LRP11: variants seen among roughly 807,000 people sequenced by gnomAD.
LRP11 encodes low-density lipoprotein receptor-related protein 11.
Under a neutral mutation model 43.1 loss-of-function variants are expected in LRP11, and 25 were observed. The ratio of observed to expected loss-of-function variants is 0.58; its 90% CI spans 0.42 to 0.81. The LOEUF is 0.81. Among genes scored for constraint, LRP11 ranks in the 30% least tolerant of loss-of-function variants. LRP11 has a pLI of 0.00. For synonymous variants in LRP11, 316 were observed against 299.4 expected (o/e 1.06, Z -0.57); for missense variants, 623 against 665.1 (o/e 0.94, Z 0.70).
rs572882708 is a variant in LRP11, at chr6:149,836,245, T to G, written c.1092A>C (p.Pro364=). 52 of 1,614,210 alleles carry G rather than the reference T, an allele frequency of 3.2e-5. No homozygotes were observed. The highest frequency in any genetic ancestry group is 4.2e-5 in the Non-Finnish European group (49 of 1,180,028). ...CATCTTCACTCGGCCCTGTGGTTCT[T>G]GGCAGGGCAGGACTAGCTGCCGTGT... ...VTHTAASPAL[P]RTTGPSEDAG... The change falls in exon 5 of 7, where the codon CCA becomes CCC. Residue 364 remains proline, a synonymous_variant. Coordinates refer to ENST00000239367, the MANE Select transcript of LRP11 (RefSeq NM_032832.6).
chr6:149,857,486 C>G (rs1776817123), intron 1 of LRP11, among the ~76,000 whole-genome samples: 2 of 145,506 alleles, frequency 1.4e-5, no homozygotes, highest in Non-Finnish European at 3.0e-5. Flanking sequence ...GCCTGCATAA[C>G]AAAGTGAGTC....
chr6:149,826,955 A>C (rs770363851), intron 5 of LRP11, among the ~76,000 whole-genome samples: 2 of 146,806 alleles, frequency 1.4e-5, no homozygotes, highest in Non-Finnish European at 3.0e-5. Context: ...CTGAGGGGGA[A>C]ATTATTATTA....
At position 149,863,680 on chromosome 6, in the gene LRP11, C is replaced by A; in HGVS notation, c.341G>T (p.Gly114Val). The A allele has an allele frequency of 6.8e-7, 1 of 1,476,802 alleles. No individual in the cohort carries two copies. Among genetic ancestry groups the A allele is most frequent in the South Asian group, 1.3e-5 (1 of 78,490 alleles). 91.5% of individuals were successfully genotyped at this position (1,476,802 alleles called of 1,614,324 possible). A position where few individuals can be genotyped will look rare whatever the true frequency, so the allele number is the denominator to read the frequency against. The stretch of plus-strand genomic sequence containing the variant: ...CGCCGGCGCCCGCAGGAAGCTGGCA[C>A]CCGCCGCCAGGGAGTCCTTGGTGCG... ...IIRTKDSLAAGASFLRAPAAV... is the reference protein window; with the variant it reads ...IIRTKDSLAAVASFLRAPAAV... Residue 114 changes from glycine to valine, a missense_variant, in exon 1 of 7, where the codon GGT (glycine) becomes GTT (valine). Physicochemically the swap from Gly to Val is moderately radical, Grantham distance 109. Transcript: ENST00000239367.
chr6:149,849,863 T>C (rs765366842), intron 2 of LRP11, among the ~76,000 whole-genome samples: 9 of 152,226 alleles, frequency 5.9e-5, no homozygotes, highest in Non-Finnish European at 1.2e-4. Context: ...GTTTCATAAC[T>C]AATCTGACAG....
At chr6:149,851,541 T>C (rs1776719391) in intron 2 of LRP11, among the ~76,000 whole-genome samples, 1 of 152,208 alleles carries the variant, frequency 6.6e-6, no homozygotes, top group African/African-American at 2.4e-5. Context: ...CCAAAGCTTT[T>C]ACACAGGATA....
At chr6:149,832,847 C>T (rs187152368) in intron 5 of LRP11, among the ~76,000 whole-genome samples, 2,376 of 148,838 alleles carry the variant, frequency 0.016, 64 homozygotes, top group African/African-American at 0.056. Flanking sequence ...CTTGCTCTGT[C>T]GCCCAGGCTG....
chr6:149,834,887 AAGC>A (rs1370860304), intron 5 of LRP11, among the ~76,000 whole-genome samples: 1 of 152,258 alleles, frequency 6.6e-6, no homozygotes, highest in African/African-American at 2.4e-5. Context: ...CAAATATTAA[AAGC>A]AGTTTTCAAA....
In LRP11 at chr6:149,841,683, C is replaced by T. The variant is rs565578575; in HGVS notation, c.913+1300G>A. On this transcript the variant is annotated intron_variant, in intron 3 of 6. Coordinates refer to ENST00000239367, the MANE Select transcript of LRP11 (RefSeq NM_032832.6). ...GTCTAAGTGCTTCGGGAGGCTGAGG[C>T]GGGTGGATCACCTGAGGTCAGGAAT... Among the ~76,000 whole-genome samples the T allele has an allele frequency of 2.4e-4, 37 of 152,238 alleles. 2 individuals carry two copies. In the South Asian group the frequency reaches 7.7e-3, roughly 32 times the overall value.
rs191501160 is a variant in LRP11, at chr6:149,824,817, G to A, written c.1348+1447C>T. 8.0e-4 allele frequency among the ~76,000 whole-genome samples: 122 copies of A among 152,284 alleles called. 1 individual carries two copies. Among genetic ancestry groups the A allele is most frequent in the Non-Finnish European group, 1.5e-3 (101 of 68,020 alleles). On this transcript the variant is annotated intron_variant, in intron 6 of 6. Coordinates refer to ENST00000239367, the MANE Select transcript of LRP11 (RefSeq NM_032832.6). ...AGAGGCTGCAGTGAGCTGAGATCGC[G>A]CCGCTGTACTCCAACCTGGACAACA...
intron 2 of LRP11, among the ~76,000 whole-genome samples, chr6:149,850,065 G>T (rs1776696444): frequency 6.6e-6 from 1 of 152,152 alleles, no homozygotes; most frequent in African/African-American, 2.4e-5. Flanking sequence ...AATGGCTCAA[G>T]AAGAGGAGGA....
chr6:149,843,827 C>T (rs544819383), intron 2 of LRP11, among the ~76,000 whole-genome samples: 2 of 152,342 alleles, frequency 1.3e-5, no homozygotes, highest in Admixed American at 1.3e-4. Flanking sequence ...TCTGTTTGCT[C>T]ACTTCCCATT....
chr6:149,836,391 A>G, intron 4 of LRP11, 94 bp from the exon 5 acceptor site: 1 of 1,108,680 alleles, frequency 9.0e-7, no homozygotes, highest in South Asian at 1.4e-5. Flanking sequence ...AAAATCACGG[A>G]TATTTGGATG....
chr6:149,819,998 AC>A lies in LRP11; in HGVS notation c.*550del, dbSNP rs1221768792. ...CCCACACTCACCTTCCCTAAGGCTT[AC>A]TGACTTGTACATAAGGTTTATAATT... On this transcript the variant is annotated 3_prime_UTR_variant, in exon 7 of 7. Coordinates refer to ENST00000239367, the MANE Select transcript of LRP11 (RefSeq NM_032832.6). 6.5e-6 allele frequency: 1 copy of A among 152,738 alleles called. No individual in the cohort carries two copies. Among genetic ancestry groups the A allele is most frequent in the Admixed American group, 6.5e-5 (1 of 15,322 alleles). 9.5% of individuals were successfully genotyped at this position (152,738 alleles called of 1,614,324 possible).
chr6:149,861,212 T>C (rs1178529118), intron 1 of LRP11, among the ~76,000 whole-genome samples: 2 of 152,144 alleles, frequency 1.3e-5, no homozygotes, highest in Non-Finnish European at 2.9e-5. Flanking sequence ...AACTTCAACC[T>C]GTCAAGCATC....
At chr6:149,857,648 A>G (rs918520901) in intron 1 of LRP11, among the ~76,000 whole-genome samples, 15 of 152,204 alleles carry the variant, frequency 9.9e-5, no homozygotes, top group African/African-American at 3.6e-4. Context: ...AGGCATCACT[A>G]TTATAAAACC....
At chr6:149,849,702 A>T (rs1302133415) in intron 2 of LRP11, among the ~76,000 whole-genome samples, 20 of 152,170 alleles carry the variant, frequency 1.3e-4, no homozygotes. Context: ...CACTCACTGC[A>T]CTCCAGCCTG....
rs1258258678 is a variant in LRP11, at chr6:149,864,038, G to A, written c.-18C>T. On this transcript the variant is annotated 5_prime_UTR_variant, in exon 1 of 7. Transcript: ENST00000239367. ...GAGGCCATGGCGACGAGAGCCAAGG[G>A]CAGCGAGCCGAGGCGGGGCTGAGCG... 16 of 1,312,366 alleles carry A rather than the reference G, an allele frequency of 1.2e-5. No homozygotes were observed. The highest frequency in any genetic ancestry group is 6.2e-5 in the African/African-American group (4 of 64,336). The allele number at this position is 1,312,366 out of a possible 1,614,324, so 81.3% of individuals were successfully genotyped here.
intron 5 of LRP11, among the ~76,000 whole-genome samples, chr6:149,828,624 G>T (rs888294865): frequency 1.3e-5 from 2 of 151,880 alleles, no homozygotes; most frequent in African/African-American, 4.8e-5. Flanking sequence ...AACTAACTGG[G>T]ACTACAGGTA....
chr6:149,858,068 T>C (rs1425240436), intron 1 of LRP11, among the ~76,000 whole-genome samples: 1 of 152,250 alleles, frequency 6.6e-6, no homozygotes, highest in Admixed American at 6.5e-5. Context: ...TTTATTATTA[T>C]ACTTAAAAGT....
Sources: allele counts gnomAD v4.1 joint callset (sites outside exome capture counted in the v4.1 genomes callset), GRCh38; gene constraint gnomAD v4.1.1; transcripts MANE v1.5; gene names NCBI Gene and HGNC (gene_info 2026-07-23, HGNC 2026-07-21).